Variants in LRP1B observed in about 807,000 individuals in gnomAD.
LRP1B encodes the protein LDL receptor related protein 1B.
In LRP1B, 217 loss-of-function variants were observed where a neutral mutation model predicts 556.6. That is an observed-to-expected ratio of 0.39 (90% CI 0.35 to 0.44). The LOEUF is 0.44. Among genes scored for constraint, LRP1B ranks in the 20% least tolerant of loss-of-function variants. LRP1B has a pLI of 1.00. For synonymous variants in LRP1B, 2,047 were observed against 1,865.8 expected (o/e 1.10, Z -2.50); for missense variants, 5,053 against 5,620.8 (o/e 0.90, Z 3.23).
intron 43 of LRP1B, among the ~76,000 whole-genome samples, chr2:140,569,224 C>T (rs1681235152): frequency 6.6e-6 from 1 of 151,796 alleles, no homozygotes; most frequent in African/African-American, 2.4e-5. Context: ...TTAATAATAA[C>T]CTCGAATGAA....
At chr2:141,307,840 G>T (rs1272619806) in intron 3 of LRP1B, among the ~76,000 whole-genome samples, 1 of 152,176 alleles carries the variant, frequency 6.6e-6, no homozygotes, top group Admixed American at 6.6e-5. Flanking sequence ...GCAGCAGTGG[G>T]CCAAGTGTGT....
chr2:140,527,571 C>T (rs533703956), intron 47 of LRP1B, among the ~76,000 whole-genome samples: 3 of 151,898 alleles, frequency 2.0e-5, no homozygotes, highest in South Asian at 2.1e-4. Context: ...GTTTTATTTA[C>T]AATTTGCAAT....
At chr2:140,852,812 G>C (rs1692499900) in intron 27 of LRP1B, among the ~76,000 whole-genome samples, 2 of 151,636 alleles carry the variant, frequency 1.3e-5, no homozygotes, top group Non-Finnish European at 1.5e-5. Flanking sequence ...GGGACATTTT[G>C]AATTTTATGT....
intron 41 of LRP1B, among the ~76,000 whole-genome samples, chr2:140,690,341 C>T (rs747877697): frequency 1.6e-4 from 24 of 152,048 alleles, no homozygotes; most frequent in Non-Finnish European, 3.2e-4. Flanking sequence ...GCATATCACT[C>T]TTCCGGGTCT....
At chr2:140,786,079 T>A (rs186599245) in intron 32 of LRP1B, among the ~76,000 whole-genome samples, 5 of 152,316 alleles carry the variant, frequency 3.3e-5, no homozygotes, top group African/African-American at 9.6e-5. Flanking sequence ...AATGTGAGCA[T>A]GTCCCTCTGC....
intron 79 of LRP1B, 27 bp from the exon 80 acceptor site, chr2:140,325,905 A>C: frequency 7.6e-7 from 1 of 1,315,100 alleles, no homozygotes; most frequent in Non-Finnish European, 1.1e-6. Flanking sequence ...CACAAGACAA[A>C]TAGTGCAAGT....
intron 1 of LRP1B, among the ~76,000 whole-genome samples, chr2:142,078,412 A>G (rs1355808257): frequency 6.6e-6 from 1 of 152,164 alleles, no homozygotes; most frequent in Admixed American, 6.6e-5. Flanking sequence ...GTTGGCGACC[A>G]CAATAATTTT....
rs116738775 is a variant in LRP1B at position 142,005,647 on chromosome 2, C to T, written c.82+125001G>A. Among the ~76,000 whole-genome samples the T allele has an allele frequency of 6.4e-3, 970 of 152,156 alleles. 10 individuals carry two copies. The highest frequency in any genetic ancestry group is 0.022 in the African/African-American group (930 of 41,532). The stretch of plus-strand genomic sequence containing the variant: ...TTAATAAATGTGAATCTCAGCACCA[C>T]TAAGTTATGATGACTGTAATGCTAT... On this transcript the variant is annotated intron_variant, in intron 1 of 90. Coordinates refer to ENST00000389484, the MANE Select transcript of LRP1B (RefSeq NM_018557.3).
intron 35 of LRP1B, among the ~76,000 whole-genome samples, chr2:140,747,868 T>C (rs1291914114): frequency 6.6e-6 from 1 of 151,638 alleles, no homozygotes; most frequent in Non-Finnish European, 1.5e-5. Flanking sequence ...AATGAGTAAA[T>C]GACCACATTT....
chr2:141,152,874 A>AT (rs1395557540), intron 7 of LRP1B, among the ~76,000 whole-genome samples: 1 of 151,240 alleles, frequency 6.6e-6, no homozygotes, highest in East Asian at 1.9e-4. Context: ...TTTTATTATT[A>AT]TTTTTAGTAT....
chr2:140,380,514 A>G (rs1175973607), intron 67 of LRP1B, among the ~76,000 whole-genome samples: 1 of 152,218 alleles, frequency 6.6e-6, no homozygotes, highest in African/African-American at 2.4e-5. Context: ...ATAGTGAAAT[A>G]TGTTCAATTT....
At chr2:140,489,077 A>C (rs187645554) in intron 57 of LRP1B, among the ~76,000 whole-genome samples, 4 of 152,150 alleles carry the variant, frequency 2.6e-5, no homozygotes, top group Admixed American at 2.6e-4. Flanking sequence ...AAGGGCATTC[A>C]AGACTAAGGG....
At chr2:142,124,162 G>A (rs998587708) in intron 1 of LRP1B, among the ~76,000 whole-genome samples, 3 of 151,780 alleles carry the variant, frequency 2.0e-5, no homozygotes, top group Non-Finnish European at 4.4e-5. Flanking sequence ...GTGCCCAATA[G>A]TTATCCTTTC....
intron 49 of LRP1B, among the ~76,000 whole-genome samples, chr2:140,518,332 T>C (rs1048303367): frequency 6.6e-6 from 1 of 152,158 alleles, no homozygotes; most frequent in Non-Finnish European, 1.5e-5. Flanking sequence ...GCTTCCTGTC[T>C]GTCTGTCTAC....
intron 17 of LRP1B, among the ~76,000 whole-genome samples, chr2:140,985,919 C>T (rs1028340391): frequency 3.3e-5 from 5 of 151,444 alleles, no homozygotes; most frequent in Middle Eastern, 3.5e-3. Context: ...TTGAAATTTC[C>T]TACATAATCT....
chr2:140,897,426 G>A (rs934327031), intron 23 of LRP1B, among the ~76,000 whole-genome samples: 1 of 152,106 alleles, frequency 6.6e-6, no homozygotes, highest in Non-Finnish European at 1.5e-5. Flanking sequence ...CAGCCATAAA[G>A]CCTAAAAATA....
intron 1 of LRP1B, among the ~76,000 whole-genome samples, chr2:142,063,089 A>C (rs1347098647): frequency 6.7e-6 from 1 of 150,212 alleles, no homozygotes; most frequent in African/African-American, 2.4e-5. Flanking sequence ...TAAAAACACT[A>C]ACAGTACCAG....
rs5834837 is a variant in LRP1B, at chr2:141,480,159, T to TTGTGTGTG, written c.343+229_343+236dup. On this transcript the variant is annotated intron_variant, in intron 3 of 90. Coordinates refer to ENST00000389484, the MANE Select transcript of LRP1B (RefSeq NM_018557.3). ...AAGAGCCCAACTTCAAAGTCTAAAT[T>TTGTGTGTG]TGTGTGTGTGTGTGTGTGTGTGTGT... Among the ~76,000 whole-genome samples the TTGTGTGTG allele has an allele frequency of 9.4e-3, 1,402 of 149,942 alleles. 17 individuals carry two copies. The highest frequency in any genetic ancestry group is 0.027 in the African/African-American group (1,092 of 40,796).
chr2:140,514,737 C>T lies in LRP1B; in HGVS notation c.8185G>A (p.Ala2729Thr), dbSNP rs372667614. 44 of 1,610,820 alleles carry T rather than the reference C, an allele frequency of 2.7e-5. No homozygotes were observed. The highest frequency in any genetic ancestry group is 3.2e-5 in the Non-Finnish European group (38 of 1,178,236). The change falls in exon 51 of 91, where the codon GCA becomes ACA. Residue 2729 changes from alanine to threonine, a missense_variant. Ala to Thr is a moderately conservative substitution (Grantham distance 58). Coordinates refer to ENST00000389484, the MANE Select transcript of LRP1B (RefSeq NM_018557.3). ...CAATGCTTAGAAATACATTTTTGTG[C>T]GGAACAAGCAAATTGGTTCCAAGAG... ...SCSWNQFACSAQKCISKHWIC... is the reference protein window; with the variant it reads ...SCSWNQFACSTQKCISKHWIC...
Sources: gnomAD v4.1 joint callset for allele counts (sites outside exome capture counted in the v4.1 genomes callset) on GRCh38, gnomAD v4.1.1 for gene constraint, MANE v1.5 for transcripts, NCBI Gene and HGNC (gene_info 2026-07-23, HGNC 2026-07-21) for gene names.